TENM1: variants seen among roughly 807,000 people sequenced by gnomAD.
TENM1 encodes the protein teneurin-1.
TENM1 carries 35 observed loss-of-function variants against 174.8 expected under a neutral mutation model. The observed-to-expected ratio is 0.20, with a 90% CI of 0.15 to 0.27. The LOEUF (loss-of-function observed/expected upper bound fraction) is 0.27. Among genes scored for constraint, TENM1 ranks in the 10% least tolerant of loss-of-function variants. The pLI is 1.00. For synonymous variants in TENM1, 781 were observed against 798.7 expected, an observed-to-expected ratio of 0.98 and a Z score of 0.37; for missense variants, 1,633 against 2,130.1, an observed-to-expected ratio of 0.77 and a Z score of 4.59.
intron 18 of TENM1, among the ~76,000 whole-genome samples, chrX:124,519,321 T>G (rs1052833469): frequency 9.0e-6 from 1 of 111,468 alleles, no homozygotes; most frequent in Non-Finnish European, 1.9e-5. Flanking sequence ...GTTCCTTGCA[T>G]TCCAGTAAAG....
intron 11 of TENM1, among the ~76,000 whole-genome samples, chrX:124,581,462 C>T (rs538916744): frequency 9.0e-6 from 1 of 111,441 alleles, no homozygotes; most frequent in African/African-American, 3.3e-5. Flanking sequence ...TAAGTGATCT[C>T]AAGTCTCTGT....
chrX:125,020,027 T>C, the TENM1 span, among the ~76,000 whole-genome samples: 2 of 110,502 alleles, frequency 1.8e-5, no homozygotes, highest in African/African-American at 6.6e-5. Flanking sequence ...TATTTGAATG[T>C]GTCTTCTCTA....
chrX:124,704,689 A>G (rs1450289676), intron 5 of TENM1, among the ~76,000 whole-genome samples: 1 of 111,238 alleles, frequency 9.0e-6, no homozygotes, highest in Non-Finnish European at 1.9e-5. Flanking sequence ...TTAAGAAGCT[A>G]TTGTAGATTG....
At chrX:124,679,422 C>T (rs1480643528) in intron 5 of TENM1, among the ~76,000 whole-genome samples, 1 of 111,525 alleles carries the variant, frequency 9.0e-6, no homozygotes, top group Admixed American at 9.6e-5. Flanking sequence ...CCCCTGATGA[C>T]TTCAGGCTTT....
At chrX:124,568,941 C>A (rs945935161) in intron 11 of TENM1, among the ~76,000 whole-genome samples, 1 of 111,860 alleles carries the variant, frequency 8.9e-6, no homozygotes, top group Admixed American at 9.5e-5. Context: ...CATTGGCATA[C>A]ACCTGTAATC....
chrX:124,956,773 A>C (rs751501009), intron 1 of TENM1, among the ~76,000 whole-genome samples: 2 of 112,226 alleles, frequency 1.8e-5, no homozygotes, highest in Admixed American at 1.9e-4. Context: ...AATTCTGCTG[A>C]AATTTTCATT....
rs1465781710 is a variant in TENM1 at position 124,951,131 on chromosome X, A to G, written c.217+12406T>C. ...AAGTTTCAAATATACATTTTGAATC[A>G]TCTTATTAGTACAGTGCAGCCACAA... On this transcript the variant is annotated intron_variant, in intron 1 of 31. Coordinates refer to ENST00000422452, the Ensembl canonical transcript of TENM1. Among the ~76,000 whole-genome samples the G allele has an allele frequency of 5.4e-5, 6 of 112,014 alleles. No individual in the cohort carries two copies. The Admixed American group carries it at 5.7e-4, about 11-fold the overall frequency.
chrX:124,924,796 T>C (rs778790872), intron 1 of TENM1, among the ~76,000 whole-genome samples: 1 of 111,409 alleles, frequency 9.0e-6, no homozygotes, highest in East Asian at 2.8e-4. Flanking sequence ...AGGAAGACAT[T>C]TGTGGCTGGA....
chrX:124,933,976 T>C (rs1229663657), intron 1 of TENM1, among the ~76,000 whole-genome samples: 1 of 112,306 alleles, frequency 8.9e-6, no homozygotes, highest in East Asian at 2.8e-4. Flanking sequence ...TACTTTGTAA[T>C]ACACACATTA....
intron 3 of TENM1, among the ~76,000 whole-genome samples, chrX:124,742,865 C>G (rs969643171): frequency 9.0e-6 from 1 of 111,104 alleles, no homozygotes; most frequent in Non-Finnish European, 1.9e-5. Context: ...CTACTTATGT[C>G]AGATCTCTCA....
At chrX:124,402,664 G>A (rs1209134416) in intron 27 of TENM1, among the ~76,000 whole-genome samples, 3 of 111,737 alleles carry the variant, frequency 2.7e-5, no homozygotes, top group Non-Finnish European at 5.6e-5. Flanking sequence ...AATATAGGAT[G>A]AGTTATCCTA....
intron 1 of TENM1, among the ~76,000 whole-genome samples, chrX:124,957,197 AGATGGATG>A (rs34944662): frequency 2.8e-4 from 31 of 109,393 alleles, no homozygotes; most frequent in African/African-American, 9.9e-4. Context: ...ACGGATGGAT[AGATGGATG>A]GATGGATGGA....
chrX:124,692,789 C>G (rs1043380883), intron 5 of TENM1, among the ~76,000 whole-genome samples: 1 of 108,484 alleles, frequency 9.2e-6, no homozygotes, highest in African/African-American at 3.4e-5. Context: ...GACGGATCAC[C>G]TGAGGTCGGG....
intron 3 of TENM1, among the ~76,000 whole-genome samples, chrX:124,762,570 G>A (rs746532772): frequency 1.8e-5 from 2 of 111,353 alleles, no homozygotes; most frequent in South Asian, 7.6e-4. Flanking sequence ...AACAGGTCAG[G>A]TCTCAGACAT....
chrX:125,145,589 C>A, the TENM1 span, among the ~76,000 whole-genome samples: 9 of 112,324 alleles, frequency 8.0e-5, no homozygotes, highest in African/African-American at 2.6e-4. Context: ...CAAGCCATCT[C>A]ATTTGTCTTT....
intron 1 of TENM1, among the ~76,000 whole-genome samples, chrX:124,917,214 A>G (rs1209739786): frequency 8.9e-6 from 1 of 111,978 alleles, no homozygotes; most frequent in Non-Finnish European, 1.9e-5. Flanking sequence ...AGAGAGAGGT[A>G]GGAATACAAG....
the TENM1 span, among the ~76,000 whole-genome samples, chrX:125,148,866 G>A: frequency 9.0e-6 from 1 of 111,346 alleles, no homozygotes; most frequent in Non-Finnish European, 1.9e-5. Flanking sequence ...GGCACTCATT[G>A]TCCATCACCT....
At chrX:125,121,944 C>A in the TENM1 span, among the ~76,000 whole-genome samples, 1 of 111,576 alleles carries the variant, frequency 9.0e-6, no homozygotes. Context: ...TGTGGCGGCA[C>A]ATGCCTGTAG....
intron 3 of TENM1, among the ~76,000 whole-genome samples, chrX:124,741,956 T>C (rs982118033): frequency 8.9e-6 from 1 of 112,172 alleles, no homozygotes; most frequent in Admixed American, 9.4e-5. Flanking sequence ...AAGGAAAAAA[T>C]TAACCTTTAT....
Sources: gnomAD v4.1 joint callset for allele counts (sites outside exome capture counted in the v4.1 genomes callset) on GRCh38, gnomAD v4.1.1 for gene constraint, MANE v1.5 for transcripts, NCBI Gene and HGNC (gene_info 2026-07-23, HGNC 2026-07-21) for gene names.